The following ZNF451 variants were observed in gnomAD, a reference collection of about 807,000 sequenced individuals.
ZNF451 encodes zinc finger protein 451, also known as E3 SUMO-protein ligase ZNF451.
In ZNF451, 80 loss-of-function variants were observed where a neutral mutation model predicts 107.1. That is an observed-to-expected ratio of 0.75 (90% CI 0.62 to 0.90). The LOEUF (loss-of-function observed/expected upper bound fraction) is 0.90. Ranked by LOEUF, ZNF451 falls within the 40% of genes least tolerant of loss-of-function variation. The probability of loss-of-function intolerance (pLI) is 0.00; values close to 1 mark genes in which losing one functional copy is unlikely to be tolerated. For synonymous variants in ZNF451, 362 were observed against 406.5 expected (o/e 0.89, Z 1.32); for missense variants, 1,107 against 1,236.2 (o/e 0.90, Z 1.57).
At chr6:57,097,114 C>T (rs923656590) in intron 2 of ZNF451, among the ~76,000 whole-genome samples, 1 of 152,136 alleles carries the variant, frequency 6.6e-6, no homozygotes, top group African/African-American at 2.4e-5. Flanking sequence ...GGTGATTCAG[C>T]TCTGTTTACC....
At chr6:57,118,284 G>A (rs956772714) in intron 3 of ZNF451, among the ~76,000 whole-genome samples, 5 of 151,584 alleles carry the variant, frequency 3.3e-5, no homozygotes, top group Admixed American at 3.3e-4. Context: ...ATGTGACCTT[G>A]GTTTACCAGG....
chr6:57,151,207 A>G (rs1459971233), intron 11 of ZNF451: 1 of 160,916 alleles, frequency 6.2e-6, no homozygotes, highest in East Asian at 1.8e-4. Context: ...TAAAAAGAAA[A>G]AAAAAATACA....
intron 13 of ZNF451, among the ~76,000 whole-genome samples, chr6:57,156,983 G>A (rs1356197698): frequency 6.6e-6 from 1 of 152,212 alleles, no homozygotes; most frequent in Non-Finnish European, 1.5e-5. Context: ...ACCTCCTGCT[G>A]TGCGGCCCAG....
At chr6:57,121,475 C>T (rs1830635771) in intron 3 of ZNF451, among the ~76,000 whole-genome samples, 1 of 152,118 alleles carries the variant, frequency 6.6e-6, no homozygotes, top group Non-Finnish European at 1.5e-5. Flanking sequence ...GAACTGACAT[C>T]TTGACAATAG....
chr6:57,103,474 T>C, intron 3 of ZNF451: 1 of 985,444 alleles, frequency 1.0e-6, no homozygotes, highest in Non-Finnish European at 1.2e-6. Context: ...TGGCAGCAGA[T>C]ACCTCAATTA....
At chr6:57,109,129 C>G in intron 3 of ZNF451, 1 of 985,422 alleles carries the variant, frequency 1.0e-6, no homozygotes, top group Non-Finnish European at 1.2e-6. Flanking sequence ...ATCAGGAACC[C>G]TATCCTCTTA....
chr6:57,120,693 T>A (rs1282046218), intron 3 of ZNF451, among the ~76,000 whole-genome samples: 1 of 152,250 alleles, frequency 6.6e-6, no homozygotes, highest in Non-Finnish European at 1.5e-5. Flanking sequence ...ATATCTTCTT[T>A]GGTGAGGTGT....
In ZNF451 at chr6:57,161,027, A is replaced by G. The variant is rs1050615947; in HGVS notation, c.3071-57A>G. 22 of 1,127,608 alleles carry G rather than the reference A, an allele frequency of 2.0e-5. No individual in the cohort carries two copies. The African/African-American group carries it at 3.4e-4, about 17-fold the overall frequency. The allele number at this position is 1,127,608 out of a possible 1,614,324, so 69.9% of individuals were successfully genotyped here. Reference sequence around the variant, plus strand: ...GGTATGAGCAGTTATTGAAAATAATATTGAGAATACATAAATTTATGGCAC... The same window carrying G: ...GGTATGAGCAGTTATTGAAAATAATGTTGAGAATACATAAATTTATGGCAC... On this transcript the variant is annotated intron_variant, in intron 13 of 14. Transcript: ENST00000370706.
intron 10 of ZNF451, among the ~76,000 whole-genome samples, chr6:57,148,975 T>G (rs1232091065): frequency 6.6e-6 from 1 of 152,212 alleles, no homozygotes. Flanking sequence ...AGTTGATAGT[T>G]TTTCTGAAAG....
chr6:57,159,250 A>T, intron 13 of ZNF451: 2 of 985,432 alleles, frequency 2.0e-6, no homozygotes, highest in Non-Finnish European at 2.4e-6. Flanking sequence ...TGTCAAGTTA[A>T]TCCTTGACAA....
At chr6:57,092,544 A>G (rs1259714383) in intron 2 of ZNF451, among the ~76,000 whole-genome samples, 1 of 152,200 alleles carries the variant, frequency 6.6e-6, no homozygotes, top group Non-Finnish European at 1.5e-5. Context: ...CTTTACATTT[A>G]AGTGGCACCA....
In ZNF451 at chr6:57,098,945, G is replaced by A. The variant is rs933695389; in HGVS notation, c.106-116G>A. On this transcript the variant is annotated intron_variant, in intron 2 of 14. Transcript: ENST00000370706. ...CTGGTTATTTTCTGCTACCCACAAAGCTCCCTCTTCAGAGTAATTCTTGCC... is the reference window on the plus strand; with the variant it reads ...CTGGTTATTTTCTGCTACCCACAAAACTCCCTCTTCAGAGTAATTCTTGCC... 6.3e-6 allele frequency: 4 copies of A among 638,992 alleles called. No homozygotes were observed. In the African/African-American group the frequency reaches 7.3e-5, roughly 12 times the overall value. The allele number at this position is 638,992 out of a possible 1,614,324, so 39.6% of individuals were successfully genotyped here. A position where few individuals can be genotyped will look rare whatever the true frequency, so the allele number is the denominator to read the frequency against.
chr6:57,113,856 C>T (rs564450528), intron 3 of ZNF451, among the ~76,000 whole-genome samples: 29 of 152,186 alleles, frequency 1.9e-4, no homozygotes, highest in Admixed American at 1.5e-3. Context: ...CTCCTGACCT[C>T]GTGATCTGCC....
intron 10 of ZNF451, among the ~76,000 whole-genome samples, chr6:57,149,313 C>T (rs1306341466): frequency 2.0e-5 from 3 of 152,100 alleles, no homozygotes; most frequent in African/African-American, 7.2e-5. Context: ...TAAGTCTAGG[C>T]AGGTGTTATG....
chr6:57,126,902 AAG>A (rs1830955881), intron 4 of ZNF451, among the ~76,000 whole-genome samples: 1 of 152,228 alleles, frequency 6.6e-6, no homozygotes, highest in South Asian at 2.1e-4. Flanking sequence ...ACTTGAAAAA[AAG>A]ATGTTTAATT....
chr6:57,142,116 G>A (rs761942718), intron 9 of ZNF451, 21 bp downstream of exon 9: 1 of 1,585,768 alleles, frequency 6.3e-7, no homozygotes, highest in Non-Finnish European at 8.6e-7. Context: ...GTCTGGAGCT[G>A]TAAAGGAATA....
At chr6:57,112,430 T>C (rs947369866) in intron 3 of ZNF451, among the ~76,000 whole-genome samples, 4 of 152,146 alleles carry the variant, frequency 2.6e-5, no homozygotes, top group African/African-American at 9.7e-5. Context: ...AAGATAGAGG[T>C]GATGAAAGAA....
intron 14 of ZNF451, among the ~76,000 whole-genome samples, chr6:57,162,504 C>G (rs1763711592): frequency 6.6e-6 from 1 of 152,204 alleles, no homozygotes; most frequent in African/African-American, 2.4e-5. Context: ...AACTTGTTTT[C>G]CCAGCATGGT....
At chr6:57,148,965 A>G (rs1832221812) in intron 10 of ZNF451, among the ~76,000 whole-genome samples, 1 of 152,180 alleles carries the variant, frequency 6.6e-6, no homozygotes, top group African/African-American at 2.4e-5. Flanking sequence ...AGATGAAGGA[A>G]GTTGATAGTT....
Sources: gnomAD v4.1 joint callset for allele counts (sites outside exome capture counted in the v4.1 genomes callset) on GRCh38, gnomAD v4.1.1 for gene constraint, MANE v1.5 for transcripts, NCBI Gene and HGNC (gene_info 2026-07-23, HGNC 2026-07-21) for gene names.